The following MYCBP2 variants were observed in gnomAD, a reference collection of about 807,000 sequenced individuals.
The protein encoded by MYCBP2 is E3 ubiquitin-protein ligase MYCBP2.
Under a neutral mutation model 525.3 loss-of-function variants are expected in MYCBP2, and 120 were observed. The ratio of observed to expected loss-of-function variants is 0.23; its 90% CI spans 0.20 to 0.27. The LOEUF is 0.27. MYCBP2 is among the 10% of genes least tolerant of loss of function. The pLI, the probability that MYCBP2 is intolerant of heterozygous loss-of-function variation, is 1.00. For synonymous variants in MYCBP2, 1,894 were observed against 1,955.8 expected (o/e 0.97, Z 0.83); for missense variants, 4,149 against 5,657.1 (o/e 0.73, Z 8.55).
chr13:77,302,663 T>A (rs2078931191), intron 1 of MYCBP2, among the ~76,000 whole-genome samples: 1 of 152,124 alleles, frequency 6.6e-6, no homozygotes, highest in African/African-American at 2.4e-5. Context: ...CTTTAATAAC[T>A]GTAATATCAT....
At position 77,166,225 on chromosome 13, in the gene MYCBP2, A is replaced by C. The variant is rs139346993; in HGVS notation, c.6340+104T>G. 7.3e-5 allele frequency: 64 copies of C among 873,992 alleles called. No individual in the cohort carries two copies. In the East Asian group the frequency reaches 1.0e-3, roughly 14 times the overall value. 54.1% of individuals were successfully genotyped at this position (873,992 alleles called of 1,614,324 possible). A position where few individuals can be genotyped will look rare whatever the true frequency, so the allele number is the denominator to read the frequency against. On this transcript the variant is annotated intron_variant, in intron 41 of 82. Transcript: ENST00000544440. Reference sequence around the variant, plus strand: ...CCAGATACATAGTAGGTCTTTAATAAATTTCTCTAAAAATTAGATAAACAT... The same window carrying C: ...CCAGATACATAGTAGGTCTTTAATACATTTCTCTAAAAATTAGATAAACAT...
intron 44 of MYCBP2, among the ~76,000 whole-genome samples, chr13:77,159,773 C>T (rs1167014595): frequency 6.6e-6 from 1 of 152,132 alleles, no homozygotes; most frequent in Non-Finnish European, 1.5e-5. Context: ...GTCAATTAAA[C>T]CTCTTTTCTT....
intron 55 of MYCBP2, among the ~76,000 whole-genome samples, chr13:77,109,423 G>C (rs1350284459): frequency 6.6e-6 from 1 of 152,174 alleles, no homozygotes; most frequent in African/African-American, 2.4e-5. Context: ...TCCTCCTGCT[G>C]TACAGCTGGG....
intron 74 of MYCBP2, among the ~76,000 whole-genome samples, chr13:77,062,035 T>C (rs1461708067): frequency 6.6e-6 from 1 of 152,234 alleles, no homozygotes. Flanking sequence ...TATACTTTGT[T>C]ACTTAGAGAC....
intron 70 of MYCBP2, 48 bp downstream of exon 70, chr13:77,068,517 T>A (rs755328439): frequency 7.6e-6 from 12 of 1,582,070 alleles, no homozygotes; most frequent in Non-Finnish European, 1.0e-5. Flanking sequence ...CTTTTAACAA[T>A]GTTTCAAGTA....
intron 49 of MYCBP2, among the ~76,000 whole-genome samples, chr13:77,143,791 G>T (rs937654093): frequency 6.6e-6 from 1 of 151,950 alleles, no homozygotes; most frequent in Non-Finnish European, 1.5e-5. Flanking sequence ...CAGCCTATTG[G>T]TCTTAGGCTA....
chr13:77,178,087 C>G, intron 34 of MYCBP2, 133 bp from the exon 35 acceptor site: 1 of 629,046 alleles, frequency 1.6e-6, no homozygotes, highest in South Asian at 1.9e-5. Context: ...GTATGTTCTA[C>G]TGAGAGATTA....
At chr13:77,209,333 T>C (rs1179027104) in intron 23 of MYCBP2, among the ~76,000 whole-genome samples, 2 of 152,244 alleles carry the variant, frequency 1.3e-5, no homozygotes, top group African/African-American at 2.4e-5. Flanking sequence ...TATTGCTAAC[T>C]TAGTGAATGC....
chr13:77,165,514 A>G lies in MYCBP2; in HGVS notation c.6341-123T>C, dbSNP rs2058429497. On this transcript the variant is annotated intron_variant, in intron 41 of 82. Transcript: ENST00000544440. ...GGTAAAAACACAAATCATATACTAC[A>G]TAACTTAAATAGACTTGCGGCGGGG... 3.9e-5 allele frequency: 27 copies of G among 700,828 alleles called. 2 individuals carry two copies. The South Asian group carries it at 4.7e-4, about 12-fold the overall frequency. The allele number at this position is 700,828 out of a possible 1,614,324, so 43.4% of individuals were successfully genotyped here.
At chr13:77,117,276 C>T (rs954533696) in intron 55 of MYCBP2, among the ~76,000 whole-genome samples, 1 of 151,888 alleles carries the variant, frequency 6.6e-6, no homozygotes, top group African/African-American at 2.4e-5. Flanking sequence ...TATACATGAA[C>T]GAACATGATA....
At chr13:77,195,043 C>T (rs960195173) in intron 26 of MYCBP2, among the ~76,000 whole-genome samples, 1 of 150,890 alleles carries the variant, frequency 6.6e-6, no homozygotes, top group Non-Finnish European at 1.5e-5. Context: ...TTTAAGAAAA[C>T]CTTTTTCCTC....
intron 8 of MYCBP2, among the ~76,000 whole-genome samples, chr13:77,264,234 C>A (rs557579939): frequency 6.6e-6 from 1 of 152,068 alleles, no homozygotes; most frequent in Non-Finnish European, 1.5e-5. Context: ...ACCTGAGATC[C>A]CACCTAATTT....
Position 77,210,511 on chromosome 13 carries a change from A to C in MYCBP2, c.3416+656T>G, listed in dbSNP as rs185733656. On this transcript the variant is annotated intron_variant, in intron 23 of 82. Transcript: ENST00000544440. ...CCGGCCCAGCACCACAATAAATTTC[A>C]AACAAATGCAACATAATTTCTTGAG... 1.8e-4 allele frequency among the ~76,000 whole-genome samples: 28 copies of C among 152,270 alleles called. 1 individual carries two copies. Among genetic ancestry groups the C allele is most frequent in the African/African-American group, 6.7e-4 (28 of 41,554 alleles).
At chr13:77,209,450 A>C (rs190997414) in intron 23 of MYCBP2, among the ~76,000 whole-genome samples, 38 of 152,372 alleles carry the variant, frequency 2.5e-4, no homozygotes, top group African/African-American at 7.7e-4. Context: ...GTAAAACATC[A>C]ATTTACACCT....
intron 26 of MYCBP2, among the ~76,000 whole-genome samples, chr13:77,197,149 G>A (rs1375553582): frequency 3.3e-5 from 5 of 152,154 alleles, no homozygotes; most frequent in Non-Finnish European, 1.5e-5. Flanking sequence ...CAATATGAAA[G>A]TCATCAGTGT....
intron 55 of MYCBP2, among the ~76,000 whole-genome samples, chr13:77,106,535 TAAA>T (rs561188910): frequency 6.6e-6 from 1 of 151,978 alleles, no homozygotes. Context: ...ATAATACAGA[TAAA>T]AAAAATTTTT....
chr13:77,234,790 TA>T (rs1214217679), intron 17 of MYCBP2, among the ~76,000 whole-genome samples: 1 of 151,794 alleles, frequency 6.6e-6, no homozygotes, highest in Non-Finnish European at 1.5e-5. Flanking sequence ...TAAATTACTA[TA>T]AAAAGTATTT....
In MYCBP2 at chr13:77,081,368, G is replaced by T; in HGVS notation, c.11418+59C>A. 2 of 1,390,132 alleles carry T rather than the reference G, an allele frequency of 1.4e-6. No individual in the cohort carries two copies. The highest frequency in any genetic ancestry group is 2.0e-6 in the Non-Finnish European group (2 of 996,962). 86.1% of individuals were successfully genotyped at this position (1,390,132 alleles called of 1,614,324 possible). On this transcript the variant is annotated intron_variant, in intron 65 of 82. Coordinates refer to ENST00000544440, the MANE Select transcript of MYCBP2 (RefSeq NM_015057.5). The surrounding 1 kb of genome is among the most constrained non-coding windows in gnomAD (Gnocchi z 4.6). ...TGTTGCTAAATTCAGAAATGAAAGT[G>T]CATGAATACTAAGATCTGAAAAGAG...
intron 4 of MYCBP2, among the ~76,000 whole-genome samples, chr13:77,274,176 C>T (rs916551761): frequency 1.8e-4 from 27 of 152,146 alleles, no homozygotes; most frequent in African/African-American, 6.3e-4. Context: ...AGAAAAACCT[C>T]CAAGTCAATA....
Sources: allele counts gnomAD v4.1 joint callset (sites outside exome capture counted in the v4.1 genomes callset), GRCh38; gene constraint gnomAD v4.1.1; non-coding constraint Gnocchi (gnomAD v3.1); transcripts MANE v1.5; gene names NCBI Gene and HGNC (gene_info 2026-07-23, HGNC 2026-07-21).